The following LRRC37A2 variants were observed in gnomAD, a reference collection of about 807,000 sequenced individuals.
LRRC37A2 encodes leucine-rich repeat-containing protein 37A2.
Under a neutral mutation model 68.8 loss-of-function variants are expected in LRRC37A2, and 9 were observed. The ratio of observed to expected loss-of-function variants is 0.13; its 90% CI spans 0.08 to 0.23. LRRC37A2 has a LOEUF of 0.23. Among genes scored for constraint, LRRC37A2 ranks in the 10% least tolerant of loss-of-function variants. The probability of loss-of-function intolerance (pLI) is 1.00; values close to 1 mark genes in which losing one functional copy is unlikely to be tolerated. For synonymous variants in LRRC37A2, 63 were observed against 367.6 expected (o/e 0.17, Z 9.48); for missense variants, 168 against 950.4 (o/e 0.18, Z 10.82).
At chr17:46,930,082 C>G in the LRRC37A2 span, 1 of 139,696 alleles carries the variant, frequency 7.2e-6, no homozygotes, top group East Asian at 2.1e-4. Flanking sequence ...AGGAAAGGTC[C>G]TTTTTCTGAG....
chr17:46,897,117 A>T, the LRRC37A2 span, among the ~76,000 whole-genome samples: 3 of 152,188 alleles, frequency 2.0e-5, no homozygotes, highest in African/African-American at 7.2e-5. Context: ...CTCGAGTACC[A>T]AGAACGCTTG....
chr17:46,476,685 A>AAATAAC, the LRRC37A2 span: 3 of 628,040 alleles, frequency 4.8e-6, no homozygotes, highest in Non-Finnish European at 7.6e-6. Context: ...CTCTGTCTCA[A>AAATAAC]AATAATAATA....
At chr17:46,851,616 G>A in the LRRC37A2 span, 1 of 1,242,732 alleles carries the variant, frequency 8.0e-7, no homozygotes. The surrounding 1 kb of genome is among the most constrained non-coding windows in gnomAD (Gnocchi z 4.3). Context: ...GGAGATGCTA[G>A]AGGGCGCAGC....
At chr17:46,828,289 C>T in the LRRC37A2 span, among the ~76,000 whole-genome samples, 1 of 152,024 alleles carries the variant, frequency 6.6e-6, no homozygotes, top group Non-Finnish European at 1.5e-5. Flanking sequence ...CTCCATCTCC[C>T]AGGATCTAAT....
chr17:46,964,948 T>G, the LRRC37A2 span: 1 of 152,224 alleles, frequency 6.6e-6, no homozygotes, highest in East Asian at 1.9e-4. Context: ...CTTTCCAAGG[T>G]GATGTGGCCT....
At chr17:47,018,674 C>A in the LRRC37A2 span, 1 of 1,520,344 alleles carries the variant, frequency 6.6e-7, no homozygotes, top group South Asian at 1.1e-5. Flanking sequence ...CCTCTCCAAC[C>A]CAGCAGGAGG....
the LRRC37A2 span, among the ~76,000 whole-genome samples, chr17:46,790,176 C>T: frequency 5.9e-5 from 9 of 152,172 alleles, no homozygotes; most frequent in South Asian, 2.1e-4. Flanking sequence ...CCCATTCCTC[C>T]GCAGGCTCCT....
At chr17:47,023,561 A>T in the LRRC37A2 span, among the ~76,000 whole-genome samples, 1 of 152,084 alleles carries the variant, frequency 6.6e-6, no homozygotes, top group Admixed American at 6.5e-5. Flanking sequence ...GGTGCCTGTA[A>T]TCCCATCTAC....
At chr17:47,049,122 T>A in the LRRC37A2 span, 8 of 1,095,286 alleles carry the variant, frequency 7.3e-6, no homozygotes, top group African/African-American at 1.5e-5. Flanking sequence ...TCCTACTCTG[T>A]GTGACTGGGG....
chr17:46,780,163 G>C, the LRRC37A2 span, among the ~76,000 whole-genome samples: 1 of 152,234 alleles, frequency 6.6e-6, no homozygotes, highest in African/African-American at 2.4e-5. Context: ...AAGGCACCCT[G>C]TACAGTGCGT....
chr17:46,942,786 G>C, the LRRC37A2 span, among the ~76,000 whole-genome samples: 1 of 152,220 alleles, frequency 6.6e-6, no homozygotes. Flanking sequence ...AGCTGAGAAA[G>C]GAAAGTGTCA....
chr17:46,875,177 T>G, the LRRC37A2 span: 28 of 1,613,998 alleles, frequency 1.7e-5, no homozygotes, highest in East Asian at 6.2e-4. Flanking sequence ...CCTGCAGCGC[T>G]GGGCGCATGG....
chr17:46,844,223 C>T, the LRRC37A2 span, among the ~76,000 whole-genome samples: 3 of 151,612 alleles, frequency 2.0e-5, no homozygotes, highest in Non-Finnish European at 2.9e-5. Context: ...TCCCAGAATG[C>T]TAGGATTATA....
At chr17:46,957,799 G>A in the LRRC37A2 span, among the ~76,000 whole-genome samples, 2 of 152,146 alleles carry the variant, frequency 1.3e-5, no homozygotes, top group East Asian at 3.8e-4. Context: ...GCCAGATATC[G>A]GACAGGAGAG....
At chr17:46,923,199 C>G in the LRRC37A2 span, 18 of 1,547,222 alleles carry the variant, frequency 1.2e-5, no homozygotes, top group African/African-American at 8.2e-5. Flanking sequence ...CGACATGGAT[C>G]CCCTGTTCCA....
At chr17:46,837,944 G>T in the LRRC37A2 span, among the ~76,000 whole-genome samples, 6 of 152,172 alleles carry the variant, frequency 3.9e-5, no homozygotes, top group African/African-American at 1.4e-4. Context: ...AAATCACTCA[G>T]AGGGGCTTCA....
At chr17:46,772,086 G>A in the LRRC37A2 span, among the ~76,000 whole-genome samples, 1 of 152,098 alleles carries the variant, frequency 6.6e-6, no homozygotes, top group Non-Finnish European at 1.5e-5. Flanking sequence ...CGGTGGTGTG[G>A]GGACTCGCCG....
chr17:46,800,820 G>A, the LRRC37A2 span, among the ~76,000 whole-genome samples: 1 of 152,206 alleles, frequency 6.6e-6, no homozygotes, highest in Non-Finnish European at 1.5e-5. Context: ...AAATAGATGT[G>A]CTCAGAAGGG....
At chr17:46,993,877 C>A in the LRRC37A2 span, among the ~76,000 whole-genome samples, 1 of 150,806 alleles carries the variant, frequency 6.6e-6, no homozygotes, top group African/African-American at 2.4e-5. Context: ...CCAGATGAGG[C>A]TCAGAGAGTT....
Sources: allele counts gnomAD v4.1 joint callset (sites outside exome capture counted in the v4.1 genomes callset), GRCh38; gene constraint gnomAD v4.1.1; non-coding constraint Gnocchi (gnomAD v3.1); transcripts MANE v1.5; gene names NCBI Gene and HGNC (gene_info 2026-07-23, HGNC 2026-07-21).